The following FRMD4B variants were observed in gnomAD, a reference collection of about 807,000 sequenced individuals.
The protein encoded by FRMD4B is FERM domain-containing protein 4B.
Under a neutral mutation model 141.5 loss-of-function variants are expected in FRMD4B, and 74 were observed. That is an observed-to-expected ratio of 0.52 (90% confidence interval 0.43 to 0.63). The LOEUF (loss-of-function observed/expected upper bound fraction) is 0.63. Among genes scored for constraint, FRMD4B ranks in the 30% least tolerant of loss-of-function variants. The probability of loss-of-function intolerance (pLI) is 0.00; values close to 1 mark genes in which losing one functional copy is unlikely to be tolerated. For synonymous variants in FRMD4B, 506 were observed against 467.9 expected, an observed-to-expected ratio of 1.08 and a Z score of -1.05; for missense variants, 1,366 against 1,253.4, an observed-to-expected ratio of 1.09 and a Z score of -1.36.
chr3:69,173,758 A>G (rs1229717972), intron 22 of FRMD4B, among the ~76,000 whole-genome samples: 1 of 152,236 alleles, frequency 6.6e-6, no homozygotes, highest in Non-Finnish European at 1.5e-5. Flanking sequence ...ACACTTTTCA[A>G]TTTAATCCAT....
intron 1 of FRMD4B, among the ~76,000 whole-genome samples, chr3:69,319,572 T>C (rs1376589317): frequency 6.6e-6 from 1 of 152,136 alleles, no homozygotes; most frequent in African/African-American, 2.4e-5. Flanking sequence ...GGTTTCTGAG[T>C]GTCTTCTGTG....
intron 19 of FRMD4B, among the ~76,000 whole-genome samples, chr3:69,186,931 C>T (rs1462583549): frequency 6.6e-6 from 1 of 152,228 alleles, no homozygotes; most frequent in African/African-American, 2.4e-5. Flanking sequence ...GTTCTGGGAA[C>T]CACTGGCCTG....
At position 69,329,368 on chromosome 3, in the gene FRMD4B, G is replaced by C. The variant is rs1702287778; in HGVS notation, c.163-15851C>G. ...TTCTTTATTTTTATTTTTATGTTTT[G>C]AGACAGAGTCTCATTCCGTCACCCA... On this transcript the variant is annotated intron_variant, in intron 1 of 22. Coordinates refer to ENST00000398540, the MANE Select transcript of FRMD4B (RefSeq NM_015123.3). Among the ~76,000 whole-genome samples the C allele has an allele frequency of 2.0e-5, 3 of 151,886 alleles. No homozygotes were observed. The South Asian group carries it at 6.2e-4, about 32-fold the overall frequency.
intron 1 of FRMD4B, among the ~76,000 whole-genome samples, chr3:69,461,378 G>C (rs1705703942): frequency 7.7e-6 from 1 of 130,268 alleles, no homozygotes; most frequent in South Asian, 2.4e-4. Context: ...GGGAAACATA[G>C]TGAGACCCCC....
intron 1 of FRMD4B, among the ~76,000 whole-genome samples, chr3:69,336,009 CA>C (rs891917268): frequency 2.6e-4 from 40 of 152,214 alleles, no homozygotes; most frequent in African/African-American, 7.7e-4. Context: ...AGGTGTGAAC[CA>C]CCACACCTGG....
At chr3:69,200,395 T>A in intron 11 of FRMD4B, 1 of 993,248 alleles carries the variant, frequency 1.0e-6, no homozygotes, top group Non-Finnish European at 1.2e-6. Context: ...CTCCACAAAC[T>A]TGAGGTTTTC....
intron 1 of FRMD4B, among the ~76,000 whole-genome samples, chr3:69,443,078 G>C (rs2106867850): frequency 6.6e-6 from 1 of 152,248 alleles, no homozygotes; most frequent in Admixed American, 6.5e-5. Flanking sequence ...GCCCCACACA[G>C]CTTCAGGGTG....
intron 11 of FRMD4B, chr3:69,200,305 G>T: frequency 2.0e-6 from 1 of 511,000 alleles, no homozygotes; most frequent in Non-Finnish European, 2.5e-6. Context: ...CGCACACATA[G>T]CTGTCTGTAA....
chr3:69,185,239 T>G (rs1473119727), intron 19 of FRMD4B, among the ~76,000 whole-genome samples: 1 of 147,766 alleles, frequency 6.8e-6, no homozygotes, highest in African/African-American at 2.5e-5. Flanking sequence ...AGGCGGAGCT[T>G]GCAGTAAGCT....
Position 69,245,349 on chromosome 3 carries a change from G to GTTT in FRMD4B, c.581+3876_581+3877insAAA, listed in dbSNP as rs1218555167. On this transcript the variant is annotated intron_variant, in intron 7 of 22. Coordinates refer to ENST00000398540, the MANE Select transcript of FRMD4B (RefSeq NM_015123.3). The stretch of plus-strand genomic sequence containing the variant: ...TGTGTGTGTGTGTGTGTGTGTGTGT[G>GTTT]TGTGTTTTTAGACAGAGTCTTGCTC... 3.6e-4 allele frequency among the ~76,000 whole-genome samples: 55 copies of GTTT among 151,108 alleles called. 1 individual carries two copies. Among genetic ancestry groups the GTTT allele is most frequent in the African/African-American group, 1.2e-3 (49 of 40,784 alleles).
At chr3:69,438,046 T>G (rs1383227033) in intron 1 of FRMD4B, among the ~76,000 whole-genome samples, 1 of 145,678 alleles carries the variant, frequency 6.9e-6, no homozygotes, top group African/African-American at 2.5e-5. Flanking sequence ...CTATATATAC[T>G]ACTATATGAT....
At chr3:69,365,684 G>A (rs1054327908) in intron 1 of FRMD4B, among the ~76,000 whole-genome samples, 2 of 151,952 alleles carry the variant, frequency 1.3e-5, no homozygotes, top group Non-Finnish European at 2.9e-5. Flanking sequence ...TATTATTACA[G>A]ACGGGGCTTC....
chr3:69,415,711 A>G (rs987632633), intron 2 of FRMD4B, among the ~76,000 whole-genome samples: 1 of 152,180 alleles, frequency 6.6e-6, no homozygotes, highest in Admixed American at 6.5e-5. Context: ...TTAGTCTGCA[A>G]TTATGCATTT....
intron 1 of FRMD4B, among the ~76,000 whole-genome samples, chr3:69,343,571 T>TTTTTTG (rs202008383): frequency 0.023 from 2,608 of 114,444 alleles, 185 homozygotes; most frequent in South Asian, 0.035. Context: ...GTCTTAACAG[T>TTTTTTG]TTTTTGTTTT....
chr3:69,536,671 T>C (rs891169164), intron 1 of FRMD4B: 7 of 810,724 alleles, frequency 8.6e-6, no homozygotes, highest in South Asian at 4.3e-5. Flanking sequence ...GAGATGTCAC[T>C]GGTGACACTC....
intron 4 of FRMD4B, among the ~76,000 whole-genome samples, chr3:69,296,482 A>G (rs1355940124): frequency 6.6e-6 from 1 of 152,150 alleles, no homozygotes; most frequent in Non-Finnish European, 1.5e-5. Flanking sequence ...GCCTGCCTGG[A>G]AGTTCAGAAT....
intron 1 of FRMD4B, among the ~76,000 whole-genome samples, chr3:69,466,633 C>A (rs549670633): frequency 3.9e-5 from 6 of 152,118 alleles, no homozygotes; most frequent in African/African-American, 1.4e-4. Context: ...TACATTTTGC[C>A]TTTGTTTATG....
At chr3:69,346,371 T>G (rs909506649) in intron 1 of FRMD4B, among the ~76,000 whole-genome samples, 9 of 152,120 alleles carry the variant, frequency 5.9e-5, no homozygotes. Context: ...TACCTGAAAG[T>G]GACGGGGAGA....
chr3:69,200,199 G>A (rs4855363), intron 11 of FRMD4B, among the ~76,000 whole-genome samples: 148,066 of 152,244 alleles, frequency 0.97, 72,128 homozygotes, highest in East Asian at 1. Flanking sequence ...GTTTCTATAC[G>A]TATGCAGGCA....
Sources: allele counts gnomAD v4.1 joint callset (sites outside exome capture counted in the v4.1 genomes callset), GRCh38; gene constraint gnomAD v4.1.1; transcripts MANE v1.5; gene names NCBI Gene and HGNC (gene_info 2026-07-23, HGNC 2026-07-21).